DTNB: variants seen among roughly 807,000 people sequenced by gnomAD.
DTNB encodes the protein DTN-B.
In DTNB, 63 loss-of-function variants were observed where a neutral mutation model predicts 90.7. That is an observed-to-expected ratio of 0.69 (90% CI 0.57 to 0.86). The LOEUF (loss-of-function observed/expected upper bound fraction) is 0.86. Ranked by LOEUF, DTNB falls within the 40% of genes least tolerant of loss-of-function variation. DTNB has a pLI of 0.00. For missense variants in DTNB, 744 were observed against 807.1 expected (o/e 0.92, Z 0.95); for synonymous variants, 277 against 286.7 (o/e 0.97, Z 0.34).
intron 2 of DTNB, among the ~76,000 whole-genome samples, chr2:25,645,228 CA>C (rs2079159028): frequency 1.3e-5 from 2 of 151,438 alleles, no homozygotes; most frequent in Admixed American, 6.6e-5. Context: ...ACTAGAAATA[CA>C]AAAATTAGCT....
At chr2:25,425,527 G>C (rs1435178255) in intron 15 of DTNB, among the ~76,000 whole-genome samples, 1 of 152,192 alleles carries the variant, frequency 6.6e-6, no homozygotes, top group Non-Finnish European at 1.5e-5. Context: ...CGGGCCTGGA[G>C]GATGAAATTA....
chr2:25,386,360 C>T (rs1427285988), intron 18 of DTNB, among the ~76,000 whole-genome samples: 1 of 152,152 alleles, frequency 6.6e-6, no homozygotes, highest in African/African-American at 2.4e-5. Flanking sequence ...GTGTTTGAAT[C>T]GTCCGTGGAA....
intron 6 of DTNB, among the ~76,000 whole-genome samples, chr2:25,594,064 T>G (rs1386914093): frequency 6.6e-6 from 1 of 152,178 alleles, no homozygotes; most frequent in Non-Finnish European, 1.5e-5. Flanking sequence ...GGAGCAGCAG[T>G]GAGACGGGCT....
intron 6 of DTNB, among the ~76,000 whole-genome samples, chr2:25,584,306 G>C (rs565654966): frequency 4.6e-5 from 7 of 152,196 alleles, no homozygotes; most frequent in African/African-American, 1.7e-4. Flanking sequence ...ATAGCTGTCC[G>C]GGGCCAAATT....
At chr2:25,428,046 T>A (rs948250634) in intron 14 of DTNB, 1 of 154,744 alleles carries the variant, frequency 6.5e-6, no homozygotes, top group Non-Finnish European at 1.4e-5. Context: ...TCAAGAAGGA[T>A]GACAGATCAG....
Position 25,596,200 on chromosome 2 carries a change from T to C in DTNB, c.489A>G (p.Ile163Met). The change falls in exon 6 of 21, where the codon ATA becomes ATG. Residue 163 changes from isoleucine to methionine, a missense_variant. Transcript: ENST00000406818. The stretch of plus-strand genomic sequence containing the variant: ...TCAGAAACTGGTCAAACTTGCTAAA[T>C]ATCATTAAGCCATTGGAATCTGACA... ...SQMSDSNGLM[I>M]FSKFDQFLKE... 1.2e-6 allele frequency: 2 copies of C among 1,613,036 alleles called. No homozygotes were observed. Among genetic ancestry groups the C allele is most frequent in the Non-Finnish European group, 8.5e-7 (1 of 1,179,474 alleles).
chr2:25,418,369 A>G (rs1379784235), intron 16 of DTNB, among the ~76,000 whole-genome samples: 3 of 152,136 alleles, frequency 2.0e-5, no homozygotes, highest in Non-Finnish European at 4.4e-5. Context: ...AATGTTTTAT[A>G]TTCCTAACCT....
chr2:25,547,315 TTTC>T (rs1371656274), intron 8 of DTNB, among the ~76,000 whole-genome samples: 1 of 148,542 alleles, frequency 6.7e-6, no homozygotes, highest in African/African-American at 2.5e-5. Flanking sequence ...ACCTGTATTC[TTTC>T]TTTCCTTTTT....
intron 1 of DTNB, chr2:25,652,875 T>C: frequency 4.3e-6 from 2 of 469,794 alleles, no homozygotes; most frequent in Non-Finnish European, 3.7e-6. Flanking sequence ...TCAATACTTG[T>C]ATGAGCTCAT....
intron 8 of DTNB, among the ~76,000 whole-genome samples, chr2:25,574,143 T>C (rs530837031): frequency 6.6e-6 from 1 of 152,324 alleles, no homozygotes; most frequent in Admixed American, 6.5e-5. Flanking sequence ...AGTCTAGACA[T>C]GTGCCAACAA....
intron 16 of DTNB, among the ~76,000 whole-genome samples, chr2:25,402,625 C>T (rs1190937438): frequency 2.0e-5 from 3 of 152,116 alleles, no homozygotes; most frequent in African/African-American, 7.2e-5. Flanking sequence ...AGAAAGTCTG[C>T]CATGGGGTCT....
intron 15 of DTNB, among the ~76,000 whole-genome samples, chr2:25,422,436 C>T (rs1255051421): frequency 8.9e-6 from 1 of 112,976 alleles, no homozygotes; most frequent in Non-Finnish European, 1.7e-5. Flanking sequence ...GATGGAGTCT[C>T]ACTGTGTCGC....
At chr2:25,513,949 G>C (rs1294686978) in intron 9 of DTNB, among the ~76,000 whole-genome samples, 2 of 150,588 alleles carry the variant, frequency 1.3e-5, no homozygotes, top group Non-Finnish European at 2.9e-5. Context: ...GGGAGATAGA[G>C]CAGGAAGTAA....
chr2:25,581,214 C>T (rs182330223), intron 6 of DTNB, among the ~76,000 whole-genome samples: 1 of 152,190 alleles, frequency 6.6e-6, no homozygotes, highest in Non-Finnish European at 1.5e-5. Context: ...GAAGACACCC[C>T]ACACCCAAGT....
chr2:25,605,298 CAT>C (rs1210173319), intron 5 of DTNB, among the ~76,000 whole-genome samples: 3 of 152,128 alleles, frequency 2.0e-5, no homozygotes, highest in Non-Finnish European at 2.9e-5. Flanking sequence ...GTATCACAGC[CAT>C]CCAAACACTA....
intron 1 of DTNB, among the ~76,000 whole-genome samples, chr2:25,664,922 G>A (rs982538941): frequency 5.3e-5 from 8 of 152,208 alleles, no homozygotes; most frequent in African/African-American, 1.9e-4. Context: ...AATAAGGAAA[G>A]AACACAGGTC....
chr2:25,395,574 A>G (rs2042176498), intron 16 of DTNB, among the ~76,000 whole-genome samples: 1 of 149,714 alleles, frequency 6.7e-6, no homozygotes, highest in African/African-American at 2.4e-5. Flanking sequence ...ATATTTATGT[A>G]TATTTAAATA....
intron 9 of DTNB, among the ~76,000 whole-genome samples, chr2:25,515,819 C>G (rs1365698958): frequency 6.6e-6 from 1 of 152,036 alleles, no homozygotes; most frequent in African/African-American, 2.4e-5. Flanking sequence ...TCAGCTGATC[C>G]ACCTGCCTCG....
At chr2:25,536,238 G>T (rs927204142) in intron 8 of DTNB, among the ~76,000 whole-genome samples, 1 of 151,926 alleles carries the variant, frequency 6.6e-6, no homozygotes, top group Non-Finnish European at 1.5e-5. Flanking sequence ...CCGGGCAGAG[G>T]GGCTCCTCAC....
Sources: gnomAD v4.1 joint callset for allele counts (sites outside exome capture counted in the v4.1 genomes callset) on GRCh38, gnomAD v4.1.1 for gene constraint, MANE v1.5 for transcripts, NCBI Gene and HGNC (gene_info 2026-07-23, HGNC 2026-07-21) for gene names.